TRPC4: variants seen among roughly 807,000 people sequenced by gnomAD.
TRPC4 encodes transient receptor potential cation channel subfamily C member 4.
TRPC4 carries 49 observed loss-of-function variants against 99.4 expected under a neutral mutation model. That is an observed-to-expected ratio of 0.49 (90% confidence interval 0.39 to 0.63). TRPC4 has a LOEUF of 0.63. Ranked by LOEUF, TRPC4 falls within the 20% of genes least tolerant of loss-of-function variation. The pLI, the probability that TRPC4 is intolerant of heterozygous loss-of-function variation, is 0.00. For synonymous variants in TRPC4, 454 were observed against 425.9 expected, an observed-to-expected ratio of 1.07 and a Z score of -0.81; for missense variants, 898 against 1,152.9, an observed-to-expected ratio of 0.78 and a Z score of 3.20.
chr13:37,654,258 A>G (rs1284922522), intron 7 of TRPC4, among the ~76,000 whole-genome samples: 1 of 152,140 alleles, frequency 6.6e-6, no homozygotes, highest in Non-Finnish European at 1.5e-5. Context: ...GTAATTATTT[A>G]TGAAGAAAAT....
intron 2 of TRPC4, among the ~76,000 whole-genome samples, chr13:37,748,398 A>G (rs1955843391): frequency 1.3e-5 from 2 of 152,170 alleles, no homozygotes; most frequent in African/African-American, 4.8e-5. Flanking sequence ...TATTAACCAT[A>G]AAATATATCT....
chr13:37,826,644 C>T (rs558060562), intron 1 of TRPC4, among the ~76,000 whole-genome samples: 1 of 152,118 alleles, frequency 6.6e-6, no homozygotes, highest in Non-Finnish European at 1.5e-5. Context: ...AAGAGATCCG[C>T]TGTTAGTCTG....
intron 5 of TRPC4, among the ~76,000 whole-genome samples, chr13:37,670,436 G>C (rs1952800574): frequency 6.6e-6 from 1 of 152,160 alleles, no homozygotes; most frequent in African/African-American, 2.4e-5. Context: ...CCTCAGATAG[G>C]AGGTAGAACC....
chr13:37,654,665 T>C (rs1254300615), intron 7 of TRPC4, among the ~76,000 whole-genome samples: 1 of 152,186 alleles, frequency 6.6e-6, no homozygotes, highest in Non-Finnish European at 1.5e-5. Context: ...CTGTGGCTTC[T>C]CCCCTTCCCA....
chr13:37,799,935 G>A (rs1957360979), intron 1 of TRPC4, among the ~76,000 whole-genome samples: 1 of 152,126 alleles, frequency 6.6e-6, no homozygotes, highest in Admixed American at 6.5e-5. Context: ...TTTCCTCTAA[G>A]TCTCTCTCTG....
chr13:37,707,920 T>C (rs1197985427), intron 3 of TRPC4, among the ~76,000 whole-genome samples: 2 of 152,124 alleles, frequency 1.3e-5, no homozygotes, highest in East Asian at 1.9e-4. Flanking sequence ...GTCCCAAAAC[T>C]GAAGGAACTG....
At chr13:37,783,730 C>A (rs1566168615) in intron 1 of TRPC4, among the ~76,000 whole-genome samples, 3 of 151,974 alleles carry the variant, frequency 2.0e-5, no homozygotes, top group Non-Finnish European at 4.4e-5. Flanking sequence ...TTTGAGATCT[C>A]AAAACTAGAC....
At chr13:37,725,818 G>A (rs1955035393) in intron 3 of TRPC4, among the ~76,000 whole-genome samples, 1 of 152,132 alleles carries the variant, frequency 6.6e-6, no homozygotes, top group African/African-American at 2.4e-5. Context: ...ATGCTAAATT[G>A]AGTTCTGCAG....
At chr13:37,639,898 C>T (rs1951661926) in intron 8 of TRPC4, among the ~76,000 whole-genome samples, 1 of 151,826 alleles carries the variant, frequency 6.6e-6, no homozygotes, top group African/African-American at 2.4e-5. Flanking sequence ...AGTCCCAGCT[C>T]ATATTTTGAA....
intron 3 of TRPC4, among the ~76,000 whole-genome samples, chr13:37,707,602 A>G (rs1954327509): frequency 6.6e-6 from 1 of 152,140 alleles, no homozygotes; most frequent in South Asian, 2.1e-4. Flanking sequence ...ACAGTTTCCT[A>G]TGTCAGTACT....
intron 1 of TRPC4, among the ~76,000 whole-genome samples, chr13:37,788,175 T>C (rs1440716115): frequency 6.6e-6 from 1 of 152,152 alleles, no homozygotes; most frequent in African/African-American, 2.4e-5. Context: ...CTAATCTTGC[T>C]GTCTGAGCTT....
chr13:37,691,319 T>TC (rs1953697484), intron 4 of TRPC4, among the ~76,000 whole-genome samples: 1 of 152,146 alleles, frequency 6.6e-6, no homozygotes, highest in Non-Finnish European at 1.5e-5. Flanking sequence ...TTAGCTAGGA[T>TC]GGCTACGATC....
intron 3 of TRPC4, among the ~76,000 whole-genome samples, chr13:37,717,184 A>G (rs1378852800): frequency 6.6e-6 from 1 of 152,152 alleles, no homozygotes; most frequent in Non-Finnish European, 1.5e-5. Flanking sequence ...TAATGATATA[A>G]TTCTCAGTGA....
In TRPC4 at chr13:37,636,264, G is replaced by C. The variant is rs73184534; in HGVS notation, c.*639C>G. ...ATCATCAGTCATCAAAATGTATTAA[G>C]ACAAACACTTCTTTTACTTACTGAA... On this transcript the variant is annotated 3_prime_UTR_variant, in exon 11 of 11. Coordinates refer to ENST00000379705, the MANE Select transcript of TRPC4 (RefSeq NM_016179.4). 0.12 allele frequency among the ~76,000 whole-genome samples: 17,536 copies of C among 151,888 alleles called. 1,116 individuals carry two copies. Among genetic ancestry groups the C allele is most frequent in the Middle Eastern group, 0.2 (59 of 292 alleles).
chr13:37,689,747 C>T (rs1260771987), intron 4 of TRPC4, among the ~76,000 whole-genome samples: 3 of 152,176 alleles, frequency 2.0e-5, no homozygotes, highest in African/African-American at 4.8e-5. Flanking sequence ...CAGCCAATGA[C>T]TGTTTTCACT....
At chr13:37,664,456 C>A (rs1386711749) in intron 5 of TRPC4, among the ~76,000 whole-genome samples, 1 of 151,898 alleles carries the variant, frequency 6.6e-6, no homozygotes, top group Non-Finnish European at 1.5e-5. Flanking sequence ...CACCTGTAAT[C>A]CCAGCTATTA....
chr13:37,736,831 T>A (rs530370320), intron 3 of TRPC4, among the ~76,000 whole-genome samples: 1 of 151,778 alleles, frequency 6.6e-6, no homozygotes. Context: ...TGGGCTCAAT[T>A]GATCCTCCCA....
At chr13:37,781,592 G>C (rs559991476) in intron 2 of TRPC4, among the ~76,000 whole-genome samples, 1 of 152,048 alleles carries the variant, frequency 6.6e-6, no homozygotes, top group African/African-American at 2.4e-5. Context: ...GCTTGTTCAC[G>C]TTTGAAAGAA....
chr13:37,851,880 C>A (rs899437110), intron 1 of TRPC4, among the ~76,000 whole-genome samples: 1 of 152,154 alleles, frequency 6.6e-6, no homozygotes, highest in Non-Finnish European at 1.5e-5. Flanking sequence ...TGCTGCCCTG[C>A]AATAGTGGAG....
Sources: allele counts gnomAD v4.1 joint callset (sites outside exome capture counted in the v4.1 genomes callset), GRCh38; gene constraint gnomAD v4.1.1; transcripts MANE v1.5; gene names NCBI Gene and HGNC (gene_info 2026-07-23, HGNC 2026-07-21).